Variants in MYO9A observed in about 807,000 individuals in gnomAD.
MYO9A encodes the protein unconventional myosin-IXa.
In MYO9A, 103 loss-of-function variants were observed where a neutral mutation model predicts 293.3. That is an observed-to-expected ratio of 0.35 (90% CI 0.30 to 0.41). The LOEUF (loss-of-function observed/expected upper bound fraction) is 0.41. MYO9A is among the 10% of genes least tolerant of loss of function. The pLI is 1.00. For missense variants in MYO9A, 2,685 were observed against 3,033.0 expected, an observed-to-expected ratio of 0.89 and a Z score of 2.69; for synonymous variants, 1,001 against 1,035.7, an observed-to-expected ratio of 0.97 and a Z score of 0.64.
chr15:72,032,713 TTTGC>T, intron 2 of MYO9A, 125 bp from the exon 3 acceptor site: 1 of 538,744 alleles, frequency 1.9e-6, no homozygotes, highest in South Asian at 4.1e-5. Flanking sequence ...AAAAAGACAA[TTTGC>T]TTGTATGTTC....
At chr15:71,949,076 C>T (rs2058991679) in intron 15 of MYO9A, among the ~76,000 whole-genome samples, 1 of 152,030 alleles carries the variant, frequency 6.6e-6, no homozygotes. Flanking sequence ...GTATCTTTTC[C>T]AGGCTGCTTT....
chr15:71,946,669 G>C (rs1340853594), intron 15 of MYO9A, among the ~76,000 whole-genome samples: 1 of 152,246 alleles, frequency 6.6e-6, no homozygotes, highest in African/African-American at 2.4e-5. Flanking sequence ...TTCAGTTTCA[G>C]CTGCACCAGA....
At chr15:72,066,122 C>T (rs2079014006) in intron 1 of MYO9A, among the ~76,000 whole-genome samples, 1 of 152,240 alleles carries the variant, frequency 6.6e-6, no homozygotes. Context: ...GCTGTCCCAG[C>T]TGACCCACAA....
chr15:71,953,254 T>C (rs1240077181), intron 14 of MYO9A, among the ~76,000 whole-genome samples: 1 of 152,216 alleles, frequency 6.6e-6, no homozygotes, highest in Non-Finnish European at 1.5e-5. Context: ...CCCCCCTTGA[T>C]GGATTGCTTG....
rs1222661447 is a variant in MYO9A, at chr15:71,897,724, G to A, written c.4779C>T (p.His1593=). The A allele has an allele frequency of 1.9e-6, 3 of 1,614,106 alleles. No individual in the cohort carries two copies. Among genetic ancestry groups the A allele is most frequent in the South Asian group, 2.2e-5 (2 of 91,072 alleles). ...ALAQKDSSSA[H]LPPKDRPVTV... is the part of the protein sequence containing the mutation. ...TGACAGGTCGGTCCTTTGGGGGTAA[G>A]TGAGCAGAGGAACTGTCTTTTTGGG... Residue 1593 remains histidine (H), a synonymous_variant, in exon 25 of 42, where the codon CAC becomes CAT. Coordinates refer to ENST00000356056, the MANE Select transcript of MYO9A (RefSeq NM_006901.4).
Position 71,956,319 on chromosome 15 carries a change from A to AT in MYO9A, c.2182+3581_2182+3582insA, listed in dbSNP as rs1216421610. On this transcript the variant is annotated intron_variant, in intron 14 of 41. Coordinates refer to ENST00000356056, the MANE Select transcript of MYO9A (RefSeq NM_006901.4). The stretch of plus-strand genomic sequence containing the variant: ...AGCGAAACCCGGCTCTTAAAAAAAA[A>AT]AAAAAAAAAAAATATATATATATAT... 5.2e-3 allele frequency among the ~76,000 whole-genome samples: 210 copies of AT among 40,256 alleles called. 1 individual carries two copies. Among genetic ancestry groups the AT allele is most frequent in the Middle Eastern group, 0.013 (1 of 78 alleles). The allele number at this position is 40,256 out of a possible 152,430, so 26.4% of individuals were successfully genotyped here.
chr15:71,979,833 T>C (rs960251958), intron 11 of MYO9A, among the ~76,000 whole-genome samples: 3 of 152,196 alleles, frequency 2.0e-5, no homozygotes, highest in Non-Finnish European at 2.9e-5. Flanking sequence ...ACAAGAGTAT[T>C]GGGACTCCAT....
chr15:72,100,970 G>C (rs867312586), intron 1 of MYO9A, among the ~76,000 whole-genome samples: 1,615 of 133,796 alleles, frequency 0.012, 73 homozygotes, highest in African/African-American at 0.043. Context: ...GAGGGAGGTG[G>C]GGGGGTCAGC....
chr15:71,846,036 A>G (rs1204985943), intron 39 of MYO9A, among the ~76,000 whole-genome samples: 1 of 152,238 alleles, frequency 6.6e-6, no homozygotes, highest in Non-Finnish European at 1.5e-5. Context: ...CTTTCAAACA[A>G]ATATGAGAAT....
At chr15:72,075,121 C>T (rs1327835682) in intron 1 of MYO9A, among the ~76,000 whole-genome samples, 2 of 151,930 alleles carry the variant, frequency 1.3e-5, no homozygotes, top group Non-Finnish European at 2.9e-5. Flanking sequence ...TGCGCCACCA[C>T]GCCCAGCTAA....
intron 39 of MYO9A, among the ~76,000 whole-genome samples, chr15:71,832,324 AG>A (rs2054761469): frequency 6.6e-6 from 1 of 152,174 alleles, no homozygotes; most frequent in East Asian, 1.9e-4. Context: ...ATTTTTTAAA[AG>A]CAGTTAAAGA....
chr15:72,018,369 G>A (rs2077401950), intron 6 of MYO9A, among the ~76,000 whole-genome samples: 1 of 152,154 alleles, frequency 6.6e-6, no homozygotes, highest in African/African-American at 2.4e-5. Context: ...TTGGGAGGCT[G>A]AGGCATGAGA....
intron 1 of MYO9A, among the ~76,000 whole-genome samples, chr15:72,066,684 A>G (rs1358661794): frequency 3.3e-5 from 5 of 152,162 alleles, no homozygotes; most frequent in Admixed American, 2.6e-4. Flanking sequence ...TAAACATTCT[A>G]TATCTTAATA....
intron 1 of MYO9A, among the ~76,000 whole-genome samples, chr15:72,072,077 A>AT (rs2079209841): frequency 6.7e-6 from 1 of 150,320 alleles, no homozygotes; most frequent in East Asian, 1.9e-4. Flanking sequence ...CATGTCAAAA[A>AT]AAAAAAAAAA....
intron 39 of MYO9A, among the ~76,000 whole-genome samples, chr15:71,840,214 C>T (rs1463981622): frequency 6.6e-6 from 1 of 152,244 alleles, no homozygotes; most frequent in Non-Finnish European, 1.5e-5. Flanking sequence ...TATGGAATTT[C>T]ACAAGAGGTT....
chr15:72,022,392 C>T (rs1021902985), intron 4 of MYO9A, among the ~76,000 whole-genome samples: 9 of 151,810 alleles, frequency 5.9e-5, no homozygotes, highest in Non-Finnish European at 1.0e-4. Context: ...TCATGACGTG[C>T]GCCTGTAGTC....
At chr15:72,074,902 A>G (rs2150241481) in intron 1 of MYO9A, among the ~76,000 whole-genome samples, 1 of 145,134 alleles carries the variant, frequency 6.9e-6, no homozygotes, top group Non-Finnish European at 1.5e-5. Context: ...CTGAGGAATT[A>G]GCATGTCTTT....
At chr15:72,112,746 T>C (rs2080826209) in intron 1 of MYO9A, among the ~76,000 whole-genome samples, 1 of 152,206 alleles carries the variant, frequency 6.6e-6, no homozygotes, top group Non-Finnish European at 1.5e-5. Context: ...GTTAAAGGGT[T>C]TCCCATGTAA....
chr15:71,859,595 A>G (rs1176126530), intron 34 of MYO9A, 140 bp downstream of exon 34: 1 of 600,822 alleles, frequency 1.7e-6, no homozygotes, highest in Non-Finnish European at 2.9e-6. Flanking sequence ...GGCATAAAAC[A>G]TATTTCTACT....
Sources: allele counts gnomAD v4.1 joint callset (sites outside exome capture counted in the v4.1 genomes callset), GRCh38; gene constraint gnomAD v4.1.1; transcripts MANE v1.5; gene names NCBI Gene and HGNC (gene_info 2026-07-23, HGNC 2026-07-21).